SBF2: variants seen among roughly 807,000 people sequenced by gnomAD.
The protein encoded by SBF2 is myotubularin-related protein 13.
In SBF2, 112 loss-of-function variants were observed where a neutral mutation model predicts 225.2. The observed-to-expected ratio is 0.50, with a 90% CI of 0.43 to 0.58. SBF2 has a LOEUF of 0.58. Among genes scored for constraint, SBF2 ranks in the 20% least tolerant of loss-of-function variants. The probability of loss-of-function intolerance (pLI) is 0.00; values close to 1 mark genes in which losing one functional copy is unlikely to be tolerated. For missense variants in SBF2, 1,996 were observed against 2,206.2 expected (o/e 0.90, Z 1.91); for synonymous variants, 763 against 773.3 (o/e 0.99, Z 0.22).
intron 2 of SBF2, among the ~76,000 whole-genome samples, chr11:10,108,166 G>A (rs528269502): frequency 6.6e-6 from 1 of 152,244 alleles, no homozygotes; most frequent in East Asian, 1.9e-4. Context: ...ATTCAAACAC[G>A]ATAGAACAAA....
chr11:9,842,394 C>A (rs541342264), intron 25 of SBF2, among the ~76,000 whole-genome samples: 1 of 152,218 alleles, frequency 6.6e-6, no homozygotes, highest in East Asian at 1.9e-4. Flanking sequence ...ATAAAAATGA[C>A]CAATTAGCTG....
intron 14 of SBF2, 72 bp from the exon 15 acceptor site, chr11:9,963,954 T>TA: frequency 1.1e-6 from 1 of 887,388 alleles, no homozygotes; most frequent in Admixed American, 2.0e-5. Flanking sequence ...AAGAGACTAC[T>TA]ACTTTAAGAC....
chr11:9,977,637 T>C (rs1946762299), intron 13 of SBF2, among the ~76,000 whole-genome samples: 1 of 152,222 alleles, frequency 6.6e-6, no homozygotes, highest in Admixed American at 6.5e-5. Context: ...CATAGAGGTG[T>C]TGCCGATAAT....
intron 1 of SBF2, among the ~76,000 whole-genome samples, chr11:10,293,349 G>C (rs1964290358): frequency 6.6e-6 from 1 of 152,226 alleles, no homozygotes; most frequent in Admixed American, 6.5e-5. Context: ...AGTGAAACAA[G>C]ATCACCTTCA....
At chr11:10,161,217 A>C (rs1333785062) in intron 2 of SBF2, among the ~76,000 whole-genome samples, 2 of 151,612 alleles carry the variant, frequency 1.3e-5, no homozygotes, top group Non-Finnish European at 2.9e-5. Context: ...ATAGGTCATA[A>C]GAAAATAGCA....
chr11:10,116,469 T>C (rs1233635114), intron 2 of SBF2, among the ~76,000 whole-genome samples: 2 of 152,190 alleles, frequency 1.3e-5, no homozygotes, highest in African/African-American at 4.8e-5. Flanking sequence ...AAACTCAAGA[T>C]ACTCTCTTCT....
chr11:9,797,624 T>G (rs896129787), intron 32 of SBF2, among the ~76,000 whole-genome samples: 1 of 152,224 alleles, frequency 6.6e-6, no homozygotes, highest in East Asian at 1.9e-4. Flanking sequence ...TCAGTGAAAA[T>G]GAAGGGATAA....
chr11:10,260,656 T>C (rs1286054881), intron 1 of SBF2, among the ~76,000 whole-genome samples: 4 of 149,640 alleles, frequency 2.7e-5, no homozygotes, highest in Non-Finnish European at 4.4e-5. Context: ...TGAGCCGAGA[T>C]TGCGCCACTG....
At chr11:10,125,808 A>G (rs1953722185) in intron 2 of SBF2, among the ~76,000 whole-genome samples, 2 of 152,174 alleles carry the variant, frequency 1.3e-5, no homozygotes, top group Admixed American at 1.3e-4. Flanking sequence ...CTGCTCTGTG[A>G]TAATTTCTCA....
At chr11:10,246,129 C>T (rs1212168788) in intron 1 of SBF2, among the ~76,000 whole-genome samples, 1 of 152,074 alleles carries the variant, frequency 6.6e-6, no homozygotes, top group Admixed American at 6.6e-5. Flanking sequence ...ACGTTGTGTT[C>T]TTATCACACA....
At chr11:9,852,948 A>G (rs1348193439) in intron 20 of SBF2, among the ~76,000 whole-genome samples, 199 bp from the exon 21 acceptor site, 1 of 152,200 alleles carries the variant, frequency 6.6e-6, no homozygotes, top group Non-Finnish European at 1.5e-5. Context: ...AGATACTTAT[A>G]TGTGGATATT....
chr11:10,025,559 T>A (rs570789241), intron 6 of SBF2, among the ~76,000 whole-genome samples: 128 of 152,256 alleles, frequency 8.4e-4, no homozygotes, highest in African/African-American at 3.0e-3. Context: ...GGCTTGGCAA[T>A]TATTTACTGG....
intron 1 of SBF2, among the ~76,000 whole-genome samples, chr11:10,209,929 A>G (rs1481163842): frequency 2.0e-5 from 3 of 152,136 alleles, no homozygotes; most frequent in Non-Finnish European, 4.4e-5. Context: ...CACTATCTAC[A>G]GGTTTAGACC....
At chr11:10,299,658 CAG>C (rs1565451184) in intron 1 of SBF2, among the ~76,000 whole-genome samples, 1 of 150,194 alleles carries the variant, frequency 6.7e-6, no homozygotes, top group Non-Finnish European at 1.5e-5. Flanking sequence ...TGCTACTGAA[CAG>C]AGTGTATGTC....
chr11:10,264,642 T>C (rs1961775672), intron 1 of SBF2, among the ~76,000 whole-genome samples: 1 of 152,162 alleles, frequency 6.6e-6, no homozygotes. Context: ...CGTGCAGTTT[T>C]GTTACATAGT....
rs1447475725 is a variant in SBF2 at position 10,133,147 on chromosome 11, T to G, written c.141+60755A>C. On this transcript the variant is annotated intron_variant, in intron 2 of 39. Coordinates refer to ENST00000256190, the MANE Select transcript of SBF2 (RefSeq NM_030962.4). ...ATTGGTGCACTCACAAACCTTGAGCTAAACACAGGGTGCTGATTGGTGTAT... is the reference window on the plus strand; with the variant it reads ...ATTGGTGCACTCACAAACCTTGAGCGAAACACAGGGTGCTGATTGGTGTAT... 1.3e-5 allele frequency among the ~76,000 whole-genome samples: 2 copies of G among 149,410 alleles called. 1 individual carries two copies. Among genetic ancestry groups the G allele is most frequent in the Non-Finnish European group, 3.0e-5 (2 of 67,574 alleles).
intron 2 of SBF2, among the ~76,000 whole-genome samples, chr11:10,080,440 C>T (rs61878585): frequency 0.16 from 24,721 of 151,324 alleles, 2,278 homozygotes; most frequent in East Asian, 0.29. Flanking sequence ...CCTAACAAAA[C>T]ACAAAAGTAT....
intron 2 of SBF2, among the ~76,000 whole-genome samples, chr11:10,112,923 C>G (rs1230139002): frequency 6.6e-6 from 1 of 152,184 alleles, no homozygotes; most frequent in African/African-American, 2.4e-5. Flanking sequence ...TTCTCCTCTC[C>G]TGAATTATTT....
At chr11:9,843,763 A>T (rs971116334) in intron 24 of SBF2, 1 of 152,214 alleles carries the variant, frequency 6.6e-6, no homozygotes, top group African/African-American at 2.4e-5. Flanking sequence ...TATTTCCTAA[A>T]TTAAACTTAT....
Sources: allele counts gnomAD v4.1 joint callset (sites outside exome capture counted in the v4.1 genomes callset), GRCh38; gene constraint gnomAD v4.1.1; transcripts MANE v1.5; gene names NCBI Gene and HGNC (gene_info 2026-07-23, HGNC 2026-07-21).